The following PTPN13 variants were observed in gnomAD, a reference collection of about 807,000 sequenced individuals.
The protein encoded by PTPN13 is tyrosine-protein phosphatase non-receptor type 13.
In PTPN13, 191 loss-of-function variants were observed where a neutral mutation model predicts 284.0. The observed-to-expected ratio is 0.67, with a 90% CI of 0.60 to 0.76. The LOEUF is 0.76. Ranked by LOEUF, PTPN13 falls within the 30% of genes least tolerant of loss-of-function variation. PTPN13 has a pLI of 0.00. For synonymous variants in PTPN13, 986 were observed against 1,022.3 expected (o/e 0.96, Z 0.68); for missense variants, 2,797 against 2,939.9 (o/e 0.95, Z 1.12).
At chr4:86,697,005 A>T (rs1730657773) in intron 6 of PTPN13, among the ~76,000 whole-genome samples, 1 of 152,052 alleles carries the variant, frequency 6.6e-6, no homozygotes, top group African/African-American at 2.4e-5. Flanking sequence ...GACAGAACCA[A>T]TATAAATATA....
At chr4:86,792,082 C>T (rs1430722503) in intron 40 of PTPN13, among the ~76,000 whole-genome samples, 1 of 152,016 alleles carries the variant, frequency 6.6e-6, no homozygotes, top group African/African-American at 2.4e-5. Flanking sequence ...CATGTTCTAA[C>T]AAGTCGCAAG....
chr4:86,800,773 C>T (rs1010103941), intron 42 of PTPN13, among the ~76,000 whole-genome samples: 21 of 152,118 alleles, frequency 1.4e-4, no homozygotes, highest in African/African-American at 4.8e-4. Flanking sequence ...ACACTTTCTT[C>T]ACTTGGCTAG....
chr4:86,771,496 A>G lies in PTPN13; in HGVS notation c.5129A>G (p.Tyr1710Cys), dbSNP rs1040891572. 9 of 1,569,236 alleles carry G rather than the reference A, an allele frequency of 5.7e-6. No homozygotes were observed. The highest frequency in any genetic ancestry group is 1.7e-4 in the Middle Eastern group (1 of 6,024). The part of the protein sequence containing the change: ...QEDTICTMFY[Y>C]PQKIPNKPEF... ...GATACCATTTGTACCATGTTTTACT[A>G]TCCTCAGAAAATTCCCAATAAACCA... Residue 1710 changes from tyrosine (Y) to cysteine (C), a missense_variant, in exon 31 of 48, where the codon TAT becomes TGT. By Grantham distance (194) the Tyr-to-Cys change is radical (BLOSUM62 -2). Coordinates refer to ENST00000411767, the MANE Select transcript of PTPN13 (RefSeq NM_080683.3).
At chr4:86,719,297 A>G (rs749839856) in intron 9 of PTPN13, among the ~76,000 whole-genome samples, 8 of 152,244 alleles carry the variant, frequency 5.3e-5, no homozygotes, top group Non-Finnish European at 1.0e-4. Flanking sequence ...TGTTCCCACA[A>G]AAGACATGAT....
At chr4:86,667,543 G>A (rs1172277476) in intron 2 of PTPN13, among the ~76,000 whole-genome samples, 1 of 152,038 alleles carries the variant, frequency 6.6e-6, no homozygotes, top group Non-Finnish European at 1.5e-5. Context: ...TTAAAATGTA[G>A]GGGAACTATT....
chr4:86,671,724 A>G (rs921797461), intron 2 of PTPN13, among the ~76,000 whole-genome samples: 1 of 152,238 alleles, frequency 6.6e-6, no homozygotes, highest in Admixed American at 6.5e-5. Context: ...AAATGTAAAT[A>G]AGATAAAATC....
Position 86,770,153 on chromosome 4 carries a change from G to A in PTPN13, c.4757G>A (p.Cys1586Tyr), listed in dbSNP as rs1169101084. The A allele has an allele frequency of 6.2e-7, 1 of 1,613,710 alleles. No individual in the cohort carries two copies. The highest frequency in any genetic ancestry group is 8.5e-7 in the Non-Finnish European group (1 of 1,179,786). ...GTAPEVFLLL[C>Y]RPPPGVLPEI... The stretch of plus-strand genomic sequence containing the variant: ...GCTCCAGAAGTATTCTTGCTTCTCT[G>A]CAGACCTCCACCTGGTGTGCTACCG... The change falls in exon 30 of 48, where the codon TGC (cysteine) becomes TAC (tyrosine). Residue 1586 changes from cysteine (C) to tyrosine (Y), a missense_variant. Transcript: ENST00000411767.
chr4:86,754,712 A>G (rs1440777843), intron 20 of PTPN13, among the ~76,000 whole-genome samples: 1 of 152,086 alleles, frequency 6.6e-6, no homozygotes, highest in Non-Finnish European at 1.5e-5. Context: ...CTATTCAAGT[A>G]TGATAATTTT....
chr4:86,595,454 T>A (rs983501456), intron 1 of PTPN13, among the ~76,000 whole-genome samples: 1 of 152,082 alleles, frequency 6.6e-6, no homozygotes, highest in Non-Finnish European at 1.5e-5. Context: ...TAAACCAAAG[T>A]CAAGAAAATT....
chr4:86,674,912 A>G (rs2148902047), intron 3 of PTPN13, among the ~76,000 whole-genome samples: 1 of 152,292 alleles, frequency 6.6e-6, no homozygotes, highest in East Asian at 1.9e-4. Context: ...AATATTTTTA[A>G]AAAGGGATTC....
chr4:86,722,319 A>G lies in PTPN13; in HGVS notation c.1493A>G (p.Gln498Arg), dbSNP rs1733762514. ...CTACAAGCCAAAATGGCCCTTAGAC[A>G]GTCTCGGTTGAGCCTATATCCAGGA... ...MQLQAKMALRQSRLSLYPGDT... is the reference protein window; with the variant it reads ...MQLQAKMALRRSRLSLYPGDT... Residue 498 changes from glutamine to arginine, a missense_variant, in exon 10 of 48, where the codon CAG becomes CGG. Gln to Arg is a conservative substitution (Grantham distance 43, BLOSUM62 1). Transcript: ENST00000411767. 6.2e-7 allele frequency: 1 copy of G among 1,613,738 alleles called. No individual in the cohort carries two copies. Among genetic ancestry groups the G allele is most frequent in the Middle Eastern group, 1.6e-4 (1 of 6,062 alleles).
chr4:86,807,828 A>G lies in PTPN13; in HGVS notation c.7014A>G (p.Arg2338=). 2.5e-6 allele frequency: 4 copies of G among 1,614,028 alleles called. No homozygotes were observed. Among genetic ancestry groups the G allele is most frequent in the Non-Finnish European group, 3.4e-6 (4 of 1,179,898 alleles). Residue 2338 remains arginine (R), a synonymous_variant, in exon 45 of 48, where the codon CGA becomes CGG. Coordinates refer to ENST00000411767, the MANE Select transcript of PTPN13 (RefSeq NM_080683.3). ...GKTTMVSNRL[R]LALVRMQQLK... is the part of the protein sequence containing the mutation. Reference sequence around the variant, plus strand: ...CAACAATGGTCAGCAACAGACTTCGACTGGCTCTTGTGAGAATGCAGCAGC... The same window carrying G: ...CAACAATGGTCAGCAACAGACTTCGGCTGGCTCTTGTGAGAATGCAGCAGC...
At chr4:86,701,130 C>A in intron 6 of PTPN13, 111 bp from the exon 7 acceptor site, 1 of 753,402 alleles carries the variant, frequency 1.3e-6, no homozygotes, top group Non-Finnish European at 2.1e-6. Context: ...CTCTGATCTT[C>A]CATTTGGAGC....
intron 2 of PTPN13, among the ~76,000 whole-genome samples, chr4:86,666,282 G>A (rs1201859007): frequency 6.8e-6 from 1 of 147,546 alleles, no homozygotes; most frequent in Admixed American, 6.9e-5. Flanking sequence ...GTCATTGTCT[G>A]GGGTAAATAC....
intron 2 of PTPN13, 101 bp from the exon 3 acceptor site, chr4:86,672,264 G>T: frequency 1.1e-6 from 1 of 937,376 alleles, no homozygotes; most frequent in Non-Finnish European, 1.5e-6. Flanking sequence ...ATACAAATAG[G>T]CTGCATTATC....
Position 86,763,017 on chromosome 4 carries a change from C to A in PTPN13, c.3844C>A (p.Pro1282Thr). The A allele has an allele frequency of 6.2e-7, 1 of 1,613,638 alleles. No individual in the cohort carries two copies. Among genetic ancestry groups the A allele is most frequent in the Non-Finnish European group, 8.5e-7 (1 of 1,179,816 alleles). The change falls in exon 24 of 48, where the codon CCT becomes ACT. Residue 1282 changes from proline (P) to threonine (T), a missense_variant. Transcript: ENST00000411767. ...CTGGCAGGAATCACAGCATGGCAGC[C>A]CTTCCCCATCTGTAATATCCAAAGC... ...QTWQESQHGS[P>T]SPSVISKATE... is the part of the protein sequence containing the mutation.
chr4:86,661,415 A>G (rs1278947087), intron 2 of PTPN13, among the ~76,000 whole-genome samples: 2 of 152,176 alleles, frequency 1.3e-5, no homozygotes, highest in East Asian at 3.8e-4. Flanking sequence ...TTAAAATTTT[A>G]CTTTCTTGGG....
In PTPN13 at chr4:86,775,509, G is replaced by T. The variant is rs1423984401; in HGVS notation, c.5748G>T (p.Arg1916Ser). ...QVVYISDINP[R>S]SVAAIEGNLQ... ...TATATATTAGTGATATTAATCCAAG[G>T]TCCGTCGCAGCCATTGAGGGTAATC... is the stretch of plus-strand genomic sequence containing the variant. Residue 1916 changes from arginine (R) to serine (S), a missense_variant, in exon 35 of 48, where the codon AGG (arginine) becomes AGT (serine). Transcript: ENST00000411767. The T allele has an allele frequency of 2.5e-6, 4 of 1,612,416 alleles. No individual in the cohort carries two copies. In the East Asian group the frequency reaches 8.9e-5, roughly 36 times the overall value.
intron 3 of PTPN13, among the ~76,000 whole-genome samples, chr4:86,681,070 G>C (rs530444818): frequency 4.6e-5 from 7 of 152,126 alleles, no homozygotes; most frequent in African/African-American, 9.7e-5. Context: ...TATGCACAAT[G>C]ATAATAGATC....
Sources: allele counts gnomAD v4.1 joint callset (sites outside exome capture counted in the v4.1 genomes callset), GRCh38; gene constraint gnomAD v4.1.1; transcripts MANE v1.5; gene names NCBI Gene and HGNC (gene_info 2026-07-23, HGNC 2026-07-21).